TMEM135: variants seen among roughly 807,000 people sequenced by gnomAD.
TMEM135 encodes the protein transmembrane protein 135.
Under a neutral mutation model 60.3 loss-of-function variants are expected in TMEM135, and 30 were observed. That is an observed-to-expected ratio of 0.50 (90% CI 0.37 to 0.68). The LOEUF is 0.68. TMEM135 is among the 30% of genes least tolerant of loss of function. The pLI, the probability that TMEM135 is intolerant of heterozygous loss-of-function variation, is 0.00. For synonymous variants in TMEM135, 190 were observed against 186.7 expected (o/e 1.02, Z -0.14); for missense variants, 468 against 548.8 (o/e 0.85, Z 1.47).
intron 6 of TMEM135, among the ~76,000 whole-genome samples, chr11:87,271,770 T>TA (rs1178281649): frequency 2.6e-5 from 4 of 151,680 alleles, no homozygotes; most frequent in African/African-American, 4.8e-5. Context: ...CCCCTCTCTA[T>TA]AAAAAATACA....
chr11:87,144,638 T>C lies in TMEM135; in HGVS notation c.397-12703T>C, dbSNP rs189904881. On this transcript the variant is annotated intron_variant, in intron 4 of 14. Transcript: ENST00000305494. ...GAAGAAAGTATTACCTTTAATCTTC[T>C]AGTTGGGAACATACTTTGGAATTCA... Among the ~76,000 whole-genome samples, 3 of 152,232 alleles carry C rather than the reference T, an allele frequency of 2.0e-5. No individual in the cohort carries two copies. In the East Asian group the frequency reaches 5.8e-4, roughly 29 times the overall value.
chr11:87,325,545 C>T lies in TMEM135; in HGVS notation c.*4212C>T, dbSNP rs1470046467. 2.2e-6 allele frequency: 1 copy of T among 453,960 alleles called. No homozygotes were observed. The allele number at this position is 453,960 out of a possible 1,614,324, so 28.1% of individuals were successfully genotyped here. ...GTCTGTCTCTCTTGCTGCTCCCTCT[C>T]CCTGCCACCTTGTCCATTCTCTGCT... On this transcript the variant is annotated 3_prime_UTR_variant, in exon 15 of 15. Coordinates refer to ENST00000305494, the MANE Select transcript of TMEM135 (RefSeq NM_022918.4).
intron 6 of TMEM135, among the ~76,000 whole-genome samples, chr11:87,260,468 T>G (rs1381657495): frequency 6.6e-6 from 1 of 152,192 alleles, no homozygotes; most frequent in African/African-American, 2.4e-5. Flanking sequence ...TTGTTGAAAT[T>G]ACTTGAATGC....
At chr11:87,141,975 T>C (rs1420669159) in intron 4 of TMEM135, among the ~76,000 whole-genome samples, 3 of 152,192 alleles carry the variant, frequency 2.0e-5, no homozygotes, top group Non-Finnish European at 4.4e-5. Flanking sequence ...ATCTGAGGGA[T>C]CTAGCAGTAG....
rs693653 is a variant in TMEM135, at chr11:87,193,130, G to A, written c.462+35724G>A. ...AAAAAAAAAAATTGTCATTTTTTGT[G>A]TATTCATTTCTTTTTTCATCATATA... On this transcript the variant is annotated intron_variant, in intron 5 of 14. Coordinates refer to ENST00000305494, the MANE Select transcript of TMEM135 (RefSeq NM_022918.4). 3.4e-3 allele frequency among the ~76,000 whole-genome samples: 514 copies of A among 152,116 alleles called. 5 individuals carry two copies. Among genetic ancestry groups the A allele is most frequent in the East Asian group, 0.033 (170 of 5,174 alleles).
chr11:87,233,956 TTG>T (rs1290165950), intron 5 of TMEM135, among the ~76,000 whole-genome samples: 1 of 152,142 alleles, frequency 6.6e-6, no homozygotes, highest in East Asian at 1.9e-4. Context: ...GAAAAATACT[TTG>T]TGAAAGTCAC....
intron 5 of TMEM135, among the ~76,000 whole-genome samples, chr11:87,204,958 C>T (rs1940203186): frequency 6.6e-6 from 1 of 152,174 alleles, no homozygotes; most frequent in South Asian, 2.1e-4. Context: ...CTACATTCTG[C>T]TTTACCTTCT....
chr11:87,232,956 G>A lies in TMEM135; in HGVS notation c.463-3682G>A, dbSNP rs564516025. 3.3e-5 allele frequency among the ~76,000 whole-genome samples: 5 copies of A among 152,264 alleles called. No homozygotes were observed. The East Asian group carries it at 9.7e-4, about 29-fold the overall frequency. The stretch of plus-strand genomic sequence containing the variant: ...ACCTGAGGTCAGGAGTTTGAGACCA[G>A]CCTGGCTGACATGGTGAAACCCCAT... On this transcript the variant is annotated intron_variant, in intron 5 of 14. Coordinates refer to ENST00000305494, the MANE Select transcript of TMEM135 (RefSeq NM_022918.4).
intron 4 of TMEM135, among the ~76,000 whole-genome samples, chr11:87,131,173 C>T (rs918977360): frequency 2.0e-5 from 3 of 152,142 alleles, no homozygotes; most frequent in Non-Finnish European, 4.4e-5. Flanking sequence ...TAATGCATTA[C>T]ATTTGTTACA....
chr11:87,233,646 T>A (rs1316846544), intron 5 of TMEM135, among the ~76,000 whole-genome samples: 1 of 152,126 alleles, frequency 6.6e-6, no homozygotes, highest in African/African-American at 2.4e-5. Context: ...GCCACACGTG[T>A]CCAGTAACTA....
chr11:87,060,040 G>A (rs1263805823), intron 1 of TMEM135, among the ~76,000 whole-genome samples: 1 of 152,152 alleles, frequency 6.6e-6, no homozygotes, highest in African/African-American at 2.4e-5. Flanking sequence ...CTTGAACCGG[G>A]AGGTGTAGGT....
intron 5 of TMEM135, among the ~76,000 whole-genome samples, chr11:87,227,000 G>A (rs1417251503): frequency 6.6e-6 from 1 of 152,114 alleles, no homozygotes; most frequent in Non-Finnish European, 1.5e-5. Flanking sequence ...AGTGAGCTGA[G>A]ATTGCCCCAG....
chr11:87,328,637 C>A lies in TMEM135; in HGVS notation c.*7304C>A. ...GAGTTACTTTACTTAGAATAATGGCCTCCAGCTCCATCCAAGATGCTGCAA... is the reference window on the plus strand; with the variant it reads ...GAGTTACTTTACTTAGAATAATGGCATCCAGCTCCATCCAAGATGCTGCAA... On this transcript the variant is annotated 3_prime_UTR_variant, in exon 15 of 15. Coordinates refer to ENST00000305494, the MANE Select transcript of TMEM135 (RefSeq NM_022918.4). 1 of 454,012 alleles carries A rather than the reference C, an allele frequency of 2.2e-6. No individual in the cohort carries two copies. Among genetic ancestry groups the A allele is most frequent in the Non-Finnish European group, 4.4e-6 (1 of 226,770 alleles). The allele number at this position is 454,012 out of a possible 1,614,324, so 28.1% of individuals were successfully genotyped here. A position where few individuals can be genotyped will look rare whatever the true frequency, so the allele number is the denominator to read the frequency against.
intron 1 of TMEM135, among the ~76,000 whole-genome samples, chr11:87,064,133 A>T (rs1263773586): frequency 6.6e-6 from 1 of 152,180 alleles, no homozygotes; most frequent in Non-Finnish European, 1.5e-5. Flanking sequence ...GTTGCTCTAC[A>T]TTCCCACCAG....
intron 5 of TMEM135, among the ~76,000 whole-genome samples, chr11:87,212,984 A>G (rs148420274): frequency 1.3e-3 from 198 of 152,270 alleles, no homozygotes; most frequent in Non-Finnish European, 2.2e-3. Context: ...ACATCACTAC[A>G]TAATAGTCAT....
At chr11:87,135,698 A>G (rs1938077836) in intron 4 of TMEM135, among the ~76,000 whole-genome samples, 1 of 151,066 alleles carries the variant, frequency 6.6e-6, no homozygotes, top group Admixed American at 6.6e-5. Flanking sequence ...TATTCTCTTT[A>G]AGTATTGTTT....
intron 1 of TMEM135, among the ~76,000 whole-genome samples, chr11:87,059,686 C>T (rs61906205): frequency 0.05 from 7,579 of 152,270 alleles, 257 homozygotes; most frequent in South Asian, 0.095. Flanking sequence ...CTGCACAACA[C>T]AAGAAGGAAT....
intron 5 of TMEM135, among the ~76,000 whole-genome samples, chr11:87,172,211 G>A (rs1030222941): frequency 2.6e-5 from 4 of 152,006 alleles, no homozygotes; most frequent in South Asian, 2.1e-4. Context: ...TAAAATGTCC[G>A]CTGATTTTAA....
At chr11:87,177,622 A>C (rs958220535) in intron 5 of TMEM135, among the ~76,000 whole-genome samples, 1 of 152,098 alleles carries the variant, frequency 6.6e-6, no homozygotes, top group Admixed American at 6.6e-5. Context: ...ATTTGTTGCT[A>C]TCACTTCCCA....
Sources: gnomAD v4.1 joint callset for allele counts (sites outside exome capture counted in the v4.1 genomes callset) on GRCh38, gnomAD v4.1.1 for gene constraint, MANE v1.5 for transcripts, NCBI Gene and HGNC (gene_info 2026-07-23, HGNC 2026-07-21) for gene names.